The following RTKN variants were observed in gnomAD, a reference collection of about 807,000 sequenced individuals.
RTKN encodes the protein rhotekin.
RTKN carries 49 observed loss-of-function variants against 63.5 expected under a neutral mutation model. The observed-to-expected ratio is 0.77, with a 90% CI of 0.61 to 0.98. The LOEUF (loss-of-function observed/expected upper bound fraction) is 0.98, where lower values mean the gene tolerates loss of function less well. Ranked by LOEUF, RTKN falls within the 50% of genes least tolerant of loss-of-function variation. The pLI is 0.00. For missense variants in RTKN, 685 were observed against 740.8 expected (o/e 0.92, Z 0.87); for synonymous variants, 295 against 290.4 (o/e 1.02, Z -0.16).
At chr2:74,439,754 G>A in intron 1 of RTKN, 1 of 1,514,210 alleles carries the variant, frequency 6.6e-7, no homozygotes, top group Non-Finnish European at 8.9e-7. Context: ...CTTGGGCAGA[G>A]GGCAGAAGCT....
At chr2:74,427,932 G>C in intron 9 of RTKN, 1 of 484,232 alleles carries the variant, frequency 2.1e-6, no homozygotes, top group South Asian at 2.8e-5. Context: ...AGCAAAGAAG[G>C]GCAATTGGAC....
At chr2:74,440,089 G>A (rs1004652700) in intron 1 of RTKN, 6 of 724,828 alleles carry the variant, frequency 8.3e-6, no homozygotes, top group Middle Eastern at 1.4e-3. Context: ...GTGAGGGGCA[G>A]GCACAACTGG....
rs148186395 is a variant in RTKN at position 74,435,792 on chromosome 2, T to C, written c.112-3126A>G. 5.9e-5 allele frequency among the ~76,000 whole-genome samples: 9 copies of C among 152,328 alleles called. No individual in the cohort carries two copies. The East Asian group carries it at 1.7e-3, about 29-fold the overall frequency. ...ACTGTGCCCTTGCATCTGTCCCTAG[T>C]GGCTCCAGCCTTCAAGTCTCTCAGA... On this transcript the variant is annotated intron_variant, in intron 1 of 11. Transcript: ENST00000272430.
rs534504503 is a variant in RTKN at position 74,426,173 on chromosome 2, G to A, written c.*70C>T. On this transcript the variant is annotated 3_prime_UTR_variant, in exon 12 of 12. Transcript: ENST00000272430. Reference sequence around the variant, plus strand: ...TGGCCAACTTGCTATAGACAGCGCCGTATCCAGAGCCCAACTGCGCATGGG... The same window carrying A: ...TGGCCAACTTGCTATAGACAGCGCCATATCCAGAGCCCAACTGCGCATGGG... 1.4e-4 allele frequency: 200 copies of A among 1,397,784 alleles called. 1 individual carries two copies. Among genetic ancestry groups the A allele is most frequent in the African/African-American group, 3.6e-4 (25 of 70,400 alleles). 86.6% of individuals were successfully genotyped at this position (1,397,784 alleles called of 1,614,324 possible).
rs137927473 is a variant in RTKN, at chr2:74,430,708, C to A, written c.312-31G>T. On this transcript the variant is annotated intron_variant, in intron 2 of 11. Transcript: ENST00000272430. Reference sequence around the variant, plus strand: ...GATAAATCACAATGTCCTGGCCTGGCCTCTAGCCACTATTCCCCCTTGCTC... The same window carrying A: ...GATAAATCACAATGTCCTGGCCTGGACTCTAGCCACTATTCCCCCTTGCTC... The A allele has an allele frequency of 2.2e-3, 3,527 of 1,597,042 alleles. 72 individuals are homozygous for A. The African/African-American group carries it at 0.041, about 19-fold the overall frequency.
intron 1 of RTKN, among the ~76,000 whole-genome samples, chr2:74,435,865 C>G (rs781636782): frequency 2.0e-5 from 3 of 152,230 alleles, no homozygotes; most frequent in Non-Finnish European, 4.4e-5. Context: ...TCCTGCCTGC[C>G]TACAGATGCT....
In RTKN at chr2:74,428,261, C is replaced by G. The variant is rs959854011; in HGVS notation, c.1086+7G>C. ...CTTGGTGGCCTTACTACCAAGGGACCCATCACCTTGTTGACAGCAATAGTA... is the reference window on the plus strand; with the variant it reads ...CTTGGTGGCCTTACTACCAAGGGACGCATCACCTTGTTGACAGCAATAGTA... On this transcript the variant is annotated splice_region_variant and intron_variant, in intron 9 of 11. Coordinates refer to ENST00000272430, the MANE Select transcript of RTKN (RefSeq NM_001015055.2). 13 of 1,613,990 alleles carry G rather than the reference C, an allele frequency of 8.1e-6. No homozygotes were observed. The highest frequency in any genetic ancestry group is 1.1e-5 in the Non-Finnish European group (13 of 1,180,016).
chr2:74,434,606 G>A (rs1466936063), intron 1 of RTKN, among the ~76,000 whole-genome samples: 1 of 152,188 alleles, frequency 6.6e-6, no homozygotes, highest in Non-Finnish European at 1.5e-5. Context: ...AGTAGAGACA[G>A]GGTTTCGCCA....
In RTKN at chr2:74,439,527, G is replaced by A. The variant is rs765998561; in HGVS notation, c.111+2179C>T. 33 of 1,612,700 alleles carry A rather than the reference G, an allele frequency of 2.0e-5. No homozygotes were observed. The East Asian group carries it at 6.9e-4, about 34-fold the overall frequency. On this transcript the variant is annotated intron_variant, in intron 1 of 11. Transcript: ENST00000272430. ...GCTGGGATGCAAGTGAAGGAGGTGT[G>A]TACTCCAAGGGTCGGGGGATTACCT...
Position 74,430,249 on chromosome 2 carries a change from C to A in RTKN, c.545+3G>T. On this transcript the variant is annotated splice_donor_region_variant and intron_variant, in intron 5 of 11. Coordinates refer to ENST00000272430, the MANE Select transcript of RTKN (RefSeq NM_001015055.2). ...GGAGGTAGCCACAGTGTGAGGTACT[C>A]ACAAGAGCACATTGCTCTGAAAGGA... is the stretch of plus-strand genomic sequence containing the variant. 6.2e-7 allele frequency: 1 copy of A among 1,607,226 alleles called. No homozygotes were observed. Among genetic ancestry groups the A allele is most frequent in the Non-Finnish European group, 8.5e-7 (1 of 1,173,678 alleles).
chr2:74,429,106 T>G (rs1264978446), intron 6 of RTKN, among the ~76,000 whole-genome samples, 164 bp from the exon 7 acceptor site: 2 of 152,264 alleles, frequency 1.3e-5, no homozygotes, highest in Middle Eastern at 3.4e-3. Context: ...CAGCTAAGTG[T>G]CAGGACGTAT....
chr2:74,431,372 TCAG>T (rs1670743919), intron 2 of RTKN, among the ~76,000 whole-genome samples: 1 of 152,146 alleles, frequency 6.6e-6, no homozygotes, highest in African/African-American at 2.4e-5. Context: ...CTGCCCATCA[TCAG>T]GACTCACCAT....
At chr2:74,435,076 C>A (rs1488730250) in intron 1 of RTKN, among the ~76,000 whole-genome samples, 1 of 152,130 alleles carries the variant, frequency 6.6e-6, no homozygotes, top group Non-Finnish European at 1.5e-5. Context: ...AAGAGAATCA[C>A]CACCTACCGG....
At chr2:74,438,658 T>C (rs1558551433) in intron 1 of RTKN, among the ~76,000 whole-genome samples, 1 of 152,354 alleles carries the variant, frequency 6.6e-6, no homozygotes, top group East Asian at 1.9e-4. Context: ...CCAGCCACAC[T>C]GGCTCTCTCT....
intron 1 of RTKN, among the ~76,000 whole-genome samples, chr2:74,434,221 G>T (rs1482520450): frequency 6.6e-6 from 1 of 150,938 alleles, no homozygotes; most frequent in East Asian, 1.9e-4. Flanking sequence ...TTGTGCCTCA[G>T]CCTCCTGAGT....
At chr2:74,437,998 C>T (rs1481771897) in intron 1 of RTKN, among the ~76,000 whole-genome samples, 1 of 152,090 alleles carries the variant, frequency 6.6e-6, no homozygotes, top group African/African-American at 2.4e-5. Context: ...GGTCTGGGCT[C>T]GTTGATAAAG....
intron 1 of RTKN, 86 bp downstream of exon 1, chr2:74,441,620 G>T: frequency 1.1e-6 from 1 of 935,158 alleles, no homozygotes; most frequent in Non-Finnish European, 1.7e-6. Flanking sequence ...CCCTCGGCGT[G>T]CACGCGGGCG....
intron 6 of RTKN, 21 bp downstream of exon 6, chr2:74,429,807 T>C (rs972913600): frequency 6.2e-7 from 1 of 1,605,328 alleles, no homozygotes; most frequent in Non-Finnish European, 8.5e-7. Flanking sequence ...CTGAGGGTGG[T>C]GTCGGTGTGC....
At chr2:74,433,099 A>C (rs1670848944) in intron 1 of RTKN, among the ~76,000 whole-genome samples, 1 of 151,862 alleles carries the variant, frequency 6.6e-6, no homozygotes, top group Non-Finnish European at 1.5e-5. Flanking sequence ...AAAAATTAGC[A>C]GGGCGTGGTG....
Sources: allele counts gnomAD v4.1 joint callset (sites outside exome capture counted in the v4.1 genomes callset), GRCh38; gene constraint gnomAD v4.1.1; transcripts MANE v1.5; gene names NCBI Gene and HGNC (gene_info 2026-07-23, HGNC 2026-07-21).